The following KMT2C variants were observed in gnomAD, a reference collection of about 807,000 sequenced individuals.
KMT2C encodes histone-lysine N-methyltransferase 2C.
Under a neutral mutation model 507.9 loss-of-function variants are expected in KMT2C, and 88 were observed. The ratio of observed to expected loss-of-function variants is 0.17; its 90% CI spans 0.15 to 0.21. KMT2C has a LOEUF of 0.21. Among genes scored for constraint, KMT2C ranks in the 10% least tolerant of loss-of-function variants. The pLI, the probability that KMT2C is intolerant of heterozygous loss-of-function variation, is 1.00. For synonymous variants in KMT2C, 2,049 were observed against 2,080.8 expected (o/e 0.98, Z 0.42); for missense variants, 4,954 against 5,957.8 (o/e 0.83, Z 5.55).
At chr7:152,241,490 A>C (rs1161695537) in intron 14 of KMT2C, among the ~76,000 whole-genome samples, 1 of 152,238 alleles carries the variant, frequency 6.6e-6, no homozygotes, top group Admixed American at 6.5e-5. Context: ...ACGGCCAGCC[A>C]TGTCTGGCGT....
chr7:152,170,361 A>T (rs897764138), intron 40 of KMT2C, among the ~76,000 whole-genome samples: 1 of 117,926 alleles, frequency 8.5e-6, no homozygotes, highest in East Asian at 2.8e-4. Flanking sequence ...CTCCCTTTAT[A>T]AAAAAAAAAT....
intron 1 of KMT2C, among the ~76,000 whole-genome samples, chr7:152,374,400 A>G (rs2097313281): frequency 6.6e-6 from 1 of 152,060 alleles, no homozygotes; most frequent in African/African-American, 2.4e-5. Context: ...AGTGAATGAG[A>G]AAAACAAATT....
intron 24 of KMT2C, among the ~76,000 whole-genome samples, chr7:152,206,587 A>C (rs2094315120): frequency 6.6e-6 from 1 of 152,216 alleles, no homozygotes; most frequent in African/African-American, 2.4e-5. Context: ...AATCCAATTT[A>C]AAACCTCATT....
chr7:152,218,973 C>CTT (rs34359411), intron 23 of KMT2C, among the ~76,000 whole-genome samples: 2 of 144,902 alleles, frequency 1.4e-5, no homozygotes, highest in Non-Finnish European at 3.0e-5. Flanking sequence ...CTTCCAATTC[C>CTT]TTTTTTTTTT....
chr7:152,157,552 C>G (rs751394720), intron 44 of KMT2C, among the ~76,000 whole-genome samples: 3 of 152,092 alleles, frequency 2.0e-5, no homozygotes, highest in Non-Finnish European at 4.4e-5. Context: ...ATATTTCTTG[C>G]AATTTGTATT....
chr7:152,162,078 C>CA, intron 43 of KMT2C, 39 bp downstream of exon 43: 1 of 1,495,384 alleles, frequency 6.7e-7, no homozygotes, highest in Non-Finnish European at 8.9e-7. Flanking sequence ...TAATTTAAAA[C>CA]AAAAGAAAAA....
chr7:152,149,114 T>TTC lies in KMT2C; in HGVS notation c.12811_12812dup (p.Thr4272LysfsTer55). The TTC allele has an allele frequency of 6.7e-7, 1 of 1,495,118 alleles. No individual in the cohort carries two copies. The highest frequency in any genetic ancestry group is 8.9e-7 in the Non-Finnish European group (1 of 1,124,172). The allele number at this position is 1,495,118 out of a possible 1,614,324, so 92.6% of individuals were successfully genotyped here. On this transcript the variant is annotated frameshift_variant, in exon 52 of 59. Coordinates refer to ENST00000262189, the MANE Select transcript of KMT2C (RefSeq NM_170606.3). LOFTEE classifies it high-confidence loss of function. ...ACTGATGAAATGCTTTGGAAGGCGT[T>TTC]TCTCTCATAGGTGATTGTGGCAATG...
At chr7:152,388,886 T>A (rs987284447) in intron 1 of KMT2C, among the ~76,000 whole-genome samples, 2 of 152,238 alleles carry the variant, frequency 1.3e-5, no homozygotes, top group Non-Finnish European at 2.9e-5. Context: ...GTAGCTGGGA[T>A]TACAGGCATG....
chr7:152,324,287 AAAAACCGCAATCACT>A (rs2096803570), intron 3 of KMT2C, among the ~76,000 whole-genome samples: 1 of 151,002 alleles, frequency 6.6e-6, no homozygotes, highest in Admixed American at 6.6e-5. Context: ...AAGTAATGGC[AAAAACCGCAATCACT>A]TTTGCACCAA....
At position 152,177,341 on chromosome 7, in the gene KMT2C, A is replaced by G. The variant is rs2129114639; in HGVS notation, c.8112T>C (p.Leu2704=). Residue 2704 remains leucine (L), a synonymous_variant, in exon 38 of 59, where the codon CTT becomes CTC. Coordinates refer to ENST00000262189, the MANE Select transcript of KMT2C (RefSeq NM_170606.3). ...CTAAGTCTTTGACTTCAACCCCCTC[A>G]AGGTCTTTAACATCCAGTTCCTTCA... ...PSVKELDVKD[L]EGVEVKDLDD... is the part of the protein sequence containing the mutation. 1 of 1,614,146 alleles carries G rather than the reference A, an allele frequency of 6.2e-7. No homozygotes were observed. The highest frequency in any genetic ancestry group is 8.5e-7 in the Non-Finnish European group (1 of 1,179,998).
At chr7:152,151,727 A>G (rs1311387364) in intron 49 of KMT2C, 146 bp from the exon 50 acceptor site, 2 of 582,898 alleles carry the variant, frequency 3.4e-6, no homozygotes, top group East Asian at 3.1e-5. Flanking sequence ...TCTTCTAAGC[A>G]ATGGTTACAG....
intron 6 of KMT2C, among the ~76,000 whole-genome samples, chr7:152,278,037 C>G (rs1462170097): frequency 6.6e-6 from 1 of 152,050 alleles, no homozygotes; most frequent in Non-Finnish European, 1.5e-5. Context: ...TTGTCCCCGC[C>G]AAAATTTCAT....
intron 2 of KMT2C, among the ~76,000 whole-genome samples, chr7:152,339,719 T>C (rs34024233): frequency 0.05 from 7,670 of 152,212 alleles, 329 homozygotes; most frequent in African/African-American, 0.11. Flanking sequence ...AATTTGACTA[T>C]ATGCTCTATG....
rs564338745 is a variant in KMT2C, at chr7:152,298,859, C to T, written c.849+11107G>A. On this transcript the variant is annotated intron_variant, in intron 6 of 58. Transcript: ENST00000262189. ...CATGGCAGCAATAGCACAAAGTGCACGAGGGAGGAAAAGAAAGCAAATGAA... is the reference window on the plus strand; with the variant it reads ...CATGGCAGCAATAGCACAAAGTGCATGAGGGAGGAAAAGAAAGCAAATGAA... Among the ~76,000 whole-genome samples, 14 of 151,700 alleles carry T rather than the reference C, an allele frequency of 9.2e-5. 2 individuals are homozygous for T. The highest frequency in any genetic ancestry group is 2.4e-4 in the African/African-American group (10 of 41,352).
intron 6 of KMT2C, among the ~76,000 whole-genome samples, chr7:152,283,864 G>T (rs2096257070): frequency 6.6e-6 from 1 of 152,152 alleles, no homozygotes; most frequent in East Asian, 1.9e-4. Context: ...AAATTAACAT[G>T]ATGTTAACTG....
In KMT2C at chr7:152,136,901, G is replaced by A. The variant is rs2089918527; in HGVS notation, c.14667C>T (p.Asp4889=). Residue 4889 remains aspartate (D), a synonymous_variant, in exon 59 of 59, where the codon GAC becomes GAT. Transcript: ENST00000262189. ...GAATCTTGTGCTGGTCATCTTCAAA[G>A]TCAAACTTATAGTCATAGCAGAGCT... is the stretch of plus-strand genomic sequence containing the variant. ...GEELCYDYKF[D]FEDDQHKIPC... 1 of 1,613,114 alleles carries A rather than the reference G, an allele frequency of 6.2e-7. No homozygotes were observed. Among genetic ancestry groups the A allele is most frequent in the African/African-American group, 1.3e-5 (1 of 74,936 alleles).
intron 6 of KMT2C, among the ~76,000 whole-genome samples, chr7:152,306,203 G>C (rs780407868): frequency 1.4e-4 from 21 of 152,072 alleles, no homozygotes; most frequent in Non-Finnish European, 2.6e-4. Flanking sequence ...TCTTTTATGT[G>C]AATTTTACTA....
chr7:152,316,601 G>A (rs1400892488), intron 3 of KMT2C, among the ~76,000 whole-genome samples: 5 of 152,032 alleles, frequency 3.3e-5, no homozygotes, highest in African/African-American at 1.2e-4. Flanking sequence ...TACCTCTACA[G>A]TATTTACCCC....
chr7:152,166,069 A>G lies in KMT2C; in HGVS notation c.9750+1077T>C, dbSNP rs192272405. ...TACTAACTCCTTCAGAAAGATGTAGATAAGACAACGTAAATGGAAGTGCTT... is the reference window on the plus strand; with the variant it reads ...TACTAACTCCTTCAGAAAGATGTAGGTAAGACAACGTAAATGGAAGTGCTT... On this transcript the variant is annotated intron_variant, in intron 42 of 58. Coordinates refer to ENST00000262189, the MANE Select transcript of KMT2C (RefSeq NM_170606.3). 2.0e-5 allele frequency among the ~76,000 whole-genome samples: 3 copies of G among 152,218 alleles called. No individual in the cohort carries two copies. The East Asian group carries it at 5.8e-4, about 30-fold the overall frequency.
Sources: gnomAD v4.1 joint callset for allele counts (sites outside exome capture counted in the v4.1 genomes callset) on GRCh38, gnomAD v4.1.1 for gene constraint, MANE v1.5 for transcripts, NCBI Gene and HGNC (gene_info 2026-07-23, HGNC 2026-07-21) for gene names.